Variants in ITGA11 observed in about 807,000 individuals in gnomAD.
ITGA11 encodes the protein integrin alpha-11.
In ITGA11, 97 loss-of-function variants were observed where a neutral mutation model predicts 141.9. That is an observed-to-expected ratio of 0.68 (90% CI 0.58 to 0.81). ITGA11 has a LOEUF of 0.81. ITGA11 is among the 30% of genes least tolerant of loss of function. The pLI is 0.00. For missense variants in ITGA11, 1,387 were observed against 1,559.2 expected, an observed-to-expected ratio of 0.89 and a Z score of 1.86; for synonymous variants, 658 against 624.6, an observed-to-expected ratio of 1.05 and a Z score of -0.80.
At chr15:68,410,236 C>T (rs541624402) in intron 1 of ITGA11, among the ~76,000 whole-genome samples, 15 of 152,326 alleles carry the variant, frequency 9.8e-5, no homozygotes, top group South Asian at 2.1e-4. Flanking sequence ...GAAGCCTCTC[C>T]GCAGCCCTGC....
At chr15:68,313,012 T>G (rs1893446103) in intron 23 of ITGA11, 149 bp from the exon 24 acceptor site, 1 of 615,144 alleles carries the variant, frequency 1.6e-6, no homozygotes, top group African/African-American at 1.8e-5. Context: ...GAGTGTCATG[T>G]TGGAAGGATT....
At chr15:68,379,603 A>G (rs1895810415) in intron 2 of ITGA11, among the ~76,000 whole-genome samples, 1 of 152,198 alleles carries the variant, frequency 6.6e-6, no homozygotes, top group Non-Finnish European at 1.5e-5. Context: ...CTGCAGGTGG[A>G]CAACCAGCCT....
At chr15:68,339,397 T>C (rs926526561) in intron 11 of ITGA11, 103 bp downstream of exon 11, 6 of 1,333,432 alleles carry the variant, frequency 4.5e-6, no homozygotes, top group South Asian at 2.7e-5. Flanking sequence ...GCCCAGAATA[T>C]ACACAGCAGG....
rs1274723730 is a variant in ITGA11 at position 68,333,136 on chromosome 15, A to G, written c.1426-658T>C. On this transcript the variant is annotated intron_variant, in intron 12 of 29. Coordinates refer to ENST00000315757, the MANE Select transcript of ITGA11 (RefSeq NM_001004439.2). The surrounding 1 kb of genome is among the most constrained non-coding windows in gnomAD (Gnocchi z 4.2). ...TTTTTTTGAGGCAAGGTTTTGCTCC[A>G]TCACCCAGACTGGAGTGCAATGGTG... Among the ~76,000 whole-genome samples, 30 of 149,958 alleles carry G rather than the reference A, an allele frequency of 2.0e-4. No individual in the cohort carries two copies. Among genetic ancestry groups the G allele is most frequent in the Admixed American group, 1.5e-3 (23 of 14,988 alleles).
At chr15:68,374,490 GC>G (rs1390621496) in intron 2 of ITGA11, among the ~76,000 whole-genome samples, 1 of 152,220 alleles carries the variant, frequency 6.6e-6, no homozygotes, top group Non-Finnish European at 1.5e-5. Flanking sequence ...CAGTGGCAGA[GC>G]TGGACTAGTA....
chr15:68,426,825 G>A (rs1421710885), intron 1 of ITGA11, among the ~76,000 whole-genome samples: 2 of 151,890 alleles, frequency 1.3e-5, no homozygotes, highest in Admixed American at 6.6e-5. Context: ...GACCAGCCTG[G>A]TCAACATGGC....
rs75833921 is a variant in ITGA11 at position 68,321,165 on chromosome 15, CTT to C, written c.2408+251_2408+252del. ...AATGTGGGCTCCGAAGAAAGGGTTT[CTT>C]TTTTTTTTTTTTTTTAACAAAATTT... On this transcript the variant is annotated intron_variant, in intron 19 of 29. Coordinates refer to ENST00000315757, the MANE Select transcript of ITGA11 (RefSeq NM_001004439.2). This position sits in a 1 kb window ranked among gnomAD's most constrained non-coding sequence, Gnocchi z 4.9. Among the ~76,000 whole-genome samples the C allele has an allele frequency of 0.81, 118,139 of 146,162 alleles. 48,338 individuals are homozygous for C. Among genetic ancestry groups the C allele is most frequent in the Non-Finnish European group, 0.88 (59,052 of 66,780 alleles).
intron 1 of ITGA11, among the ~76,000 whole-genome samples, chr15:68,421,814 G>A (rs949976402): frequency 1.3e-5 from 2 of 152,128 alleles, no homozygotes; most frequent in Non-Finnish European, 2.9e-5. Flanking sequence ...TTATTATTAC[G>A]TGTTTATTAA....
intron 9 of ITGA11, 66 bp downstream of exon 9, chr15:68,350,551 C>A (rs1894873371): frequency 1.4e-6 from 2 of 1,477,826 alleles, no homozygotes; most frequent in Non-Finnish European, 9.2e-7. Context: ...TTGGTTTGTG[C>A]TCTACGGGGT....
At chr15:68,330,833 T>C in intron 15 of ITGA11, 148 bp downstream of exon 15, 1 of 818,948 alleles carries the variant, frequency 1.2e-6, no homozygotes, top group Non-Finnish European at 1.9e-6. Context: ...AAAGGAAATG[T>C]GTAAGCAAGA....
In ITGA11 at chr15:68,311,281, C is replaced by T. The variant is rs754067383; in HGVS notation, c.3087+9G>A. 1 of 1,547,086 alleles carries T rather than the reference C, an allele frequency of 6.5e-7. No homozygotes were observed. The highest frequency in any genetic ancestry group is 8.8e-7 in the Non-Finnish European group (1 of 1,139,956). ...CCCTCCCCTAGCCGGCTCCCAAGGC[C>T]ATCACCACCTCGTCCGTGAGGAAGT... On this transcript the variant is annotated intron_variant, in intron 25 of 29. Coordinates refer to ENST00000315757, the MANE Select transcript of ITGA11 (RefSeq NM_001004439.2).
chr15:68,376,209 C>T (rs915203505), intron 2 of ITGA11, among the ~76,000 whole-genome samples: 2 of 144,522 alleles, frequency 1.4e-5, no homozygotes, highest in Non-Finnish European at 3.0e-5. Flanking sequence ...GGCTCTAGAT[C>T]ACCTCATTGT....
In ITGA11 at chr15:68,303,041, A is replaced by C; in HGVS notation, c.*18T>G. The C allele has an allele frequency of 6.5e-7, 1 of 1,544,960 alleles. No homozygotes were observed. The highest frequency in any genetic ancestry group is 1.2e-5 in the South Asian group (1 of 83,628). On this transcript the variant is annotated 3_prime_UTR_variant, in exon 30 of 30. Coordinates refer to ENST00000315757, the MANE Select transcript of ITGA11 (RefSeq NM_001004439.2). The surrounding 1 kb of genome is among the most constrained non-coding windows in gnomAD (Gnocchi z 5.3). ...CTGGTGTCCTGGCCCCCATCAACTCAAAGTCTCCTCTGGAGCCTCACTCCA... is the reference window on the plus strand; with the variant it reads ...CTGGTGTCCTGGCCCCCATCAACTCCAAGTCTCCTCTGGAGCCTCACTCCA...
Position 68,305,681 on chromosome 15 carries a change from TG to T in ITGA11, c.3381+1666del, listed in dbSNP as rs754443583. Among the ~76,000 whole-genome samples the T allele has an allele frequency of 1.3e-5, 2 of 152,186 alleles. No individual in the cohort carries two copies. The highest frequency in any genetic ancestry group is 2.9e-5 in the Non-Finnish European group (2 of 68,038). ...TCTCACATGCCTCGGTGTGCATACC[TG>T]AGAGATGGGGGTGGGGACAGTGCCT... On this transcript the variant is annotated intron_variant, in intron 28 of 29. Transcript: ENST00000315757. The surrounding 1 kb of genome is among the most constrained non-coding windows in gnomAD (Gnocchi z 4.6).
At chr15:68,393,013 C>G (rs888495408) in intron 2 of ITGA11, among the ~76,000 whole-genome samples, 1 of 152,068 alleles carries the variant, frequency 6.6e-6, no homozygotes. Context: ...GGGATCAAGA[C>G]AGATTATTGT....
At chr15:68,409,943 G>A (rs1363434709) in intron 1 of ITGA11, among the ~76,000 whole-genome samples, 4 of 152,168 alleles carry the variant, frequency 2.6e-5, no homozygotes, top group African/African-American at 4.8e-5. Flanking sequence ...ACCGACCGTC[G>A]TCAGTCACTT....
In ITGA11 at chr15:68,301,224, C is replaced by G. The variant is rs1056918910; in HGVS notation, c.*1835G>C. ...TTGCTGTGGGAGCCTAGGGCTCTTC[C>G]TGGTTCTGAGTGTCCTCATTTATGC... On this transcript the variant is annotated 3_prime_UTR_variant, in exon 30 of 30. Coordinates refer to ENST00000315757, the MANE Select transcript of ITGA11 (RefSeq NM_001004439.2). This position sits in a 1 kb window ranked among gnomAD's most constrained non-coding sequence, Gnocchi z 4.4. The G allele has an allele frequency of 1.3e-5, 2 of 152,238 alleles. No individual in the cohort carries two copies. The highest frequency in any genetic ancestry group is 1.3e-4 in the Admixed American group (2 of 15,282). The allele number at this position is 152,238 out of a possible 1,614,324, so 9.4% of individuals were successfully genotyped here.
At position 68,396,943 on chromosome 15, in the gene ITGA11, T is replaced by TATATATTATTTATTATATAATATATA. The variant is rs1896265392; in HGVS notation, c.164+5974_164+5975insTATATATTATATAATAAATAATATAT. Reference sequence around the variant, plus strand: ...ATTTATTATATAATATATAATATATTATATATTATTTATTATATAATAAAT... The same window carrying TATATATTATTTATTATATAATATATA: ...ATTTATTATATAATATATAATATATTATATATTATTTATTATATAATATATAATATATTATTTATTATATAATAAAT... On this transcript the variant is annotated intron_variant, in intron 2 of 29. Transcript: ENST00000315757. Among the ~76,000 whole-genome samples, 2 of 17,720 alleles carry TATATATTATTTATTATATAATATATA rather than the reference T, an allele frequency of 1.1e-4. 1 individual carries two copies. The allele number at this position is 17,720 out of a possible 152,430, so 11.6% of individuals were successfully genotyped here.
intron 2 of ITGA11, among the ~76,000 whole-genome samples, chr15:68,383,885 A>T (rs1895920231): frequency 6.6e-6 from 1 of 152,088 alleles, no homozygotes; most frequent in Non-Finnish European, 1.5e-5. Flanking sequence ...AGGCTGCTGT[A>T]GGGGGAGGCT....
Sources: allele counts gnomAD v4.1 joint callset (sites outside exome capture counted in the v4.1 genomes callset), GRCh38; gene constraint gnomAD v4.1.1; non-coding constraint Gnocchi (gnomAD v3.1); transcripts MANE v1.5; gene names NCBI Gene and HGNC (gene_info 2026-07-23, HGNC 2026-07-21).